ANKRD28: variants seen among roughly 807,000 people sequenced by gnomAD.
ANKRD28 encodes serine/threonine-protein phosphatase 6 regulatory ankyrin repeat subunit A.
Under a neutral mutation model 126.5 loss-of-function variants are expected in ANKRD28, and 44 were observed. The observed-to-expected ratio is 0.35, with a 90% CI of 0.27 to 0.45. The LOEUF (loss-of-function observed/expected upper bound fraction) is 0.45. Among genes scored for constraint, ANKRD28 ranks in the 20% least tolerant of loss-of-function variants. The pLI, the probability that ANKRD28 is intolerant of heterozygous loss-of-function variation, is 1.00. For synonymous variants in ANKRD28, 442 were observed against 468.5 expected (o/e 0.94, Z 0.73); for missense variants, 1,110 against 1,316.6 (o/e 0.84, Z 2.43).
In ANKRD28 at chr3:15,850,258, G is replaced by GAGAGAGAGAGAGAGAGAA. The variant is rs1384999941; in HGVS notation, c.27+9118_27+9119insTTCTCTCTCTCTCTCTCT. Among the ~76,000 whole-genome samples the GAGAGAGAGAGAGAGAGAA allele has an allele frequency of 2.1e-3, 261 of 126,864 alleles. 8 individuals carry two copies. The highest frequency in any genetic ancestry group is 0.019 in the East Asian group (58 of 3,118). 83.2% of individuals were successfully genotyped at this position (126,864 alleles called of 152,430 possible). A position where few individuals can be genotyped will look rare whatever the true frequency, so the allele number is the denominator to read the frequency against. On this transcript the variant is annotated intron_variant, in intron 1 of 27. Coordinates refer to the ANKRD28 transcript ENST00000399451. Reference sequence around the variant, plus strand: ...AGAGAGAGAGAGAGAGAGAGAGAGAGAGAGAAAGTTGAAATCCTACCTCAT... The same window carrying GAGAGAGAGAGAGAGAGAA: ...AGAGAGAGAGAGAGAGAGAGAGAGAGAGAGAGAGAGAGAGAGAAAGAGAAAGTTGAAATCCTACCTCAT...
intron 2 of ANKRD28, among the ~76,000 whole-genome samples, chr3:15,769,952 A>G (rs1195037951): frequency 6.6e-6 from 1 of 151,958 alleles, no homozygotes; most frequent in African/African-American, 2.4e-5. Flanking sequence ...TAGATAATGC[A>G]CTGTGAGTAT....
intron 14 of ANKRD28, among the ~76,000 whole-genome samples, chr3:15,703,939 A>T: frequency 6.6e-6 from 1 of 152,306 alleles, no homozygotes; most frequent in African/African-American, 2.4e-5. Context: ...AGAGCAATAT[A>T]ACTGTTGATG....
At chr3:15,688,228 C>T (rs1295016688) in intron 18 of ANKRD28, among the ~76,000 whole-genome samples, 1 of 152,142 alleles carries the variant, frequency 6.6e-6, no homozygotes, top group Non-Finnish European at 1.5e-5. Context: ...ATTTTTCTAG[C>T]TATAGATTAA....
Position 15,845,513 on chromosome 3 carries a change from C to T in ANKRD28, c.27+13864G>A, listed in dbSNP as rs111808462. On this transcript the variant is annotated intron_variant, in intron 1 of 27. Transcript: ENST00000399451. The surrounding 1 kb of genome is among the most constrained non-coding windows in gnomAD (Gnocchi z 4.9). ...TACAGACATGCTAGTTTCTAACTACCTGCCTATGCCTTGGATTAGGCTACT... is the reference window on the plus strand; with the variant it reads ...TACAGACATGCTAGTTTCTAACTACTTGCCTATGCCTTGGATTAGGCTACT... 2.0e-5 allele frequency among the ~76,000 whole-genome samples: 3 copies of T among 152,270 alleles called. No homozygotes were observed. The highest frequency in any genetic ancestry group is 7.2e-5 in the African/African-American group (3 of 41,552).
At position 15,675,890 on chromosome 3, in the gene ANKRD28, C is replaced by T; in HGVS notation, c.2965+8G>A. On this transcript the variant is annotated splice_region_variant and intron_variant, in intron 27 of 27. Transcript: ENST00000683139. ...AGGTTAAGGGAAGAGAATATAGAAC[C>T]AACTTACCATTTTCATCTACTGCAA... 1.2e-6 allele frequency: 2 copies of T among 1,600,240 alleles called. No homozygotes were observed. Among genetic ancestry groups the T allele is most frequent in the Non-Finnish European group, 1.7e-6 (2 of 1,170,438 alleles).
chr3:15,822,269 A>T (rs1450306340), intron 1 of ANKRD28, among the ~76,000 whole-genome samples: 1 of 152,164 alleles, frequency 6.6e-6, no homozygotes, highest in Non-Finnish European at 1.5e-5. Flanking sequence ...AAAATCTAGG[A>T]GAGTTTGTTT....
chr3:15,850,222 TATAG>T (rs1181774466), intron 1 of ANKRD28, among the ~76,000 whole-genome samples: 71 of 41,798 alleles, frequency 1.7e-3, no homozygotes, highest in Admixed American at 3.9e-3. Context: ...TATATATATA[TATAG>T]AGAGAGAGAG....
At chr3:15,857,318 T>G (rs955861959) in intron 1 of ANKRD28, among the ~76,000 whole-genome samples, 3 of 152,196 alleles carry the variant, frequency 2.0e-5, no homozygotes, top group Non-Finnish European at 4.4e-5. Context: ...GGAGTCTCGC[T>G]CTGTCGCCCA....
chr3:15,784,525 T>C (rs1465972034), intron 2 of ANKRD28, among the ~76,000 whole-genome samples: 4 of 151,686 alleles, frequency 2.6e-5, no homozygotes, highest in South Asian at 2.1e-4. Flanking sequence ...GTATAACTGA[T>C]ATCCTAAGAA....
Position 15,694,709 on chromosome 3 carries a change from C to T in ANKRD28, c.1761+30G>A. 3 of 1,591,330 alleles carry T rather than the reference C, an allele frequency of 1.9e-6. No homozygotes were observed. In the Admixed American group the frequency reaches 5.0e-5, roughly 27 times the overall value. ...TAGATATTTTCAGTAAACCAGCAGC[C>T]ATCAAGTCGGCTATGAAGGCAGTAC... On this transcript the variant is annotated intron_variant, in intron 17 of 27. Transcript: ENST00000683139.
chr3:15,819,778 C>A (rs1299605478), intron 1 of ANKRD28, among the ~76,000 whole-genome samples: 1 of 152,178 alleles, frequency 6.6e-6, no homozygotes, highest in Admixed American at 6.5e-5. Flanking sequence ...CTCTGCCAGT[C>A]TGTTTTCTTC....
At chr3:15,789,332 C>T (rs1156490223) in intron 2 of ANKRD28, among the ~76,000 whole-genome samples, 1 of 151,946 alleles carries the variant, frequency 6.6e-6, no homozygotes, top group African/African-American at 2.4e-5. Context: ...AAAAGCGAAC[C>T]CCATTCTGCT....
At chr3:15,767,700 TAA>T (rs57072807) in intron 2 of ANKRD28, among the ~76,000 whole-genome samples, 4 of 64,352 alleles carry the variant, frequency 6.2e-5, no homozygotes, top group African/African-American at 9.2e-5. Context: ...TAGTCTCTAC[TAA>T]AAAAAAAAAA....
intron 1 of ANKRD28, among the ~76,000 whole-genome samples, chr3:15,856,476 A>T (rs1227332275): frequency 6.6e-6 from 1 of 152,234 alleles, no homozygotes; most frequent in Non-Finnish European, 1.5e-5. Context: ...CAAGAATAAA[A>T]ACTGTAACAC....
intron 1 of ANKRD28, among the ~76,000 whole-genome samples, chr3:15,806,295 TA>T (rs1222187848): frequency 3.3e-5 from 5 of 152,336 alleles, no homozygotes; most frequent in African/African-American, 1.2e-4. Context: ...GAGGCCCCTA[TA>T]AGAATTGATA....
At chr3:15,672,357 G>T (rs1031286800) in intron 27 of ANKRD28, among the ~76,000 whole-genome samples, 3 of 152,022 alleles carry the variant, frequency 2.0e-5, no homozygotes, top group Non-Finnish European at 4.4e-5. Flanking sequence ...CCCCAGGCTG[G>T]TCTCAAACTG....
At chr3:15,674,602 G>A (rs2125628232) in intron 27 of ANKRD28, among the ~76,000 whole-genome samples, 1 of 152,100 alleles carries the variant, frequency 6.6e-6, no homozygotes, top group East Asian at 1.9e-4. Context: ...TATAAATCTG[G>A]GAATCCTCAG....
intron 18 of ANKRD28, 41 bp downstream of exon 18, chr3:15,689,978 G>C (rs1156833801): frequency 2.0e-6 from 3 of 1,505,834 alleles, no homozygotes; most frequent in African/African-American, 1.4e-5. Flanking sequence ...AAAAGTATTG[G>C]ATAGAAGTTA....
At chr3:15,807,876 C>A (rs1224166173) in intron 1 of ANKRD28, among the ~76,000 whole-genome samples, 1 of 152,176 alleles carries the variant, frequency 6.6e-6, no homozygotes, top group African/African-American at 2.4e-5. Flanking sequence ...ATACTTTTAT[C>A]TGGCATTTTT....
Sources: gnomAD v4.1 joint callset for allele counts (sites outside exome capture counted in the v4.1 genomes callset) on GRCh38, gnomAD v4.1.1 for gene constraint, Gnocchi (gnomAD v3.1) non-coding constraint, MANE v1.5 for transcripts, NCBI Gene and HGNC (gene_info 2026-07-23, HGNC 2026-07-21) for gene names.